The following CLU variants were observed in gnomAD, a reference collection of about 807,000 sequenced individuals.
CLU encodes clusterin.
Under a neutral mutation model 46.4 loss-of-function variants are expected in CLU, and 25 were observed. That is an observed-to-expected ratio of 0.54 (90% CI 0.39 to 0.75). The LOEUF is 0.75. Among genes scored for constraint, CLU ranks in the 30% least tolerant of loss-of-function variants. The pLI is 0.00. For synonymous variants in CLU, 235 were observed against 235.1 expected (o/e 1.00, Z 0.00); for missense variants, 504 against 592.1 (o/e 0.85, Z 1.54).
At chr8:27,608,206 A>C (rs760403250) in intron 3 of CLU, among the ~76,000 whole-genome samples, 5 of 152,184 alleles carry the variant, frequency 3.3e-5, no homozygotes, top group Non-Finnish European at 5.9e-5. Flanking sequence ...AAAAACAAAA[A>C]TGAATTCCCT....
intron 8 of CLU, 100 bp from the exon 9 acceptor site, chr8:27,598,350 G>T (rs534510358): frequency 5.0e-6 from 8 of 1,592,830 alleles, no homozygotes; most frequent in Non-Finnish European, 6.9e-6. Flanking sequence ...CTCTGGCTCC[G>T]GGCGGAGTCG....
intron 5 of CLU, 31 bp from the exon 6 acceptor site, chr8:27,604,426 C>T (rs1418956098): frequency 6.4e-7 from 1 of 1,553,482 alleles, no homozygotes; most frequent in South Asian, 1.1e-5. Context: ...AAGAGTCAGT[C>T]ATCCAGCCAT....
At chr8:27,604,418 G>C (rs954545609) in intron 5 of CLU, 23 bp from the exon 6 acceptor site, 1 of 1,589,536 alleles carries the variant, frequency 6.3e-7, no homozygotes, top group Non-Finnish European at 8.6e-7. Flanking sequence ...GAGGGAAGAA[G>C]AGTCAGTCAT....
chr8:27,605,001 A>G lies in CLU; in HGVS notation c.752T>C (p.Ile251Thr), dbSNP rs761687566. Residue 251 changes from isoleucine to threonine, a missense_variant, in exon 5 of 9, where the codon ATA (isoleucine) becomes ACA (threonine). By Grantham distance (89) the Ile-to-Thr change is moderately conservative. Transcript: ENST00000316403. ...GTCCATGGCCTGCTGAGCCTCGTGT[A>G]TCATCTCAAGGAAGGGCTGGAACAT... ...HAMFQPFLEM[I>T]HEAQQAMDIH... 1.2e-6 allele frequency: 2 copies of G among 1,614,048 alleles called. No individual in the cohort carries two copies. The highest frequency in any genetic ancestry group is 1.7e-6 in the Non-Finnish European group (2 of 1,179,978).
intron 1 of CLU, among the ~76,000 whole-genome samples, chr8:27,613,059 G>A (rs777052870): frequency 3.3e-5 from 5 of 151,958 alleles, no homozygotes; most frequent in South Asian, 2.1e-4. Flanking sequence ...TTCCCAAAAC[G>A]TTTCCAAGCA....
rs777278441 is a variant in CLU, at chr8:27,598,595, A to G, written c.1205T>C (p.Val402Ala). The G allele has an allele frequency of 2.5e-6, 4 of 1,614,194 alleles. No homozygotes were observed. The South Asian group carries it at 4.4e-5, about 18-fold the overall frequency. The change falls in exon 8 of 9, where the codon GTC becomes GCC. Residue 402 changes from valine to alanine, a missense_variant. By Grantham distance (64) the Val-to-Ala change is moderately conservative (BLOSUM62 0). Around this residue, in one of 3 missense-constraint regions of CLU, gnomAD observed 428 missense variants for 484.0 expected, o/e 0.88. Coordinates refer to ENST00000316403, the MANE Select transcript of CLU (RefSeq NM_001831.4). ...AAAGAGCTTCACGACCACCTCAGTG[A>G]CACCGGAAGGAACGTCCGAGTCAGA... ...HTSDSDVPSG[V>A]TEVVVKLFDS...
At position 27,610,688 on chromosome 8, in the gene CLU, C is replaced by G. The variant is rs752298392; in HGVS notation, c.-29-88G>C. 2.5e-5 allele frequency: 23 copies of G among 937,898 alleles called. No individual in the cohort carries two copies. The Admixed American group carries it at 4.0e-4, about 16-fold the overall frequency. The allele number at this position is 937,898 out of a possible 1,614,324, so 58.1% of individuals were successfully genotyped here. On this transcript the variant is annotated intron_variant, in intron 1 of 8. Transcript: ENST00000316403. The stretch of plus-strand genomic sequence containing the variant: ...GCTGCCTGCAGCAGCTCCCCAGGGC[C>G]TCACTGCCCTCAGCTGTCCCCACAG...
At chr8:27,598,725 GTCC>G in intron 7 of CLU, 90 bp from the exon 8 acceptor site, 8 of 1,280,366 alleles carry the variant, frequency 6.2e-6, no homozygotes, top group Middle Eastern at 1.9e-4. Flanking sequence ...TGATAAGGAA[GTCC>G]TCCTGCTTCT....
chr8:27,612,892 A>C (rs539892488), intron 1 of CLU, among the ~76,000 whole-genome samples: 1 of 148,584 alleles, frequency 6.7e-6, no homozygotes, highest in Non-Finnish European at 1.5e-5. Context: ...TCCTTCTACC[A>C]GAAAAGGCCG....
chr8:27,612,803 C>T (rs1458515934), intron 1 of CLU, among the ~76,000 whole-genome samples: 1 of 152,002 alleles, frequency 6.6e-6, no homozygotes, highest in Non-Finnish European at 1.5e-5. Context: ...AGAGCCATGC[C>T]AAGGCCAAGG....
intron 1 of CLU, among the ~76,000 whole-genome samples, chr8:27,612,941 A>T (rs937966254): frequency 3.5e-5 from 3 of 86,164 alleles, no homozygotes; most frequent in Non-Finnish European, 6.6e-5. Flanking sequence ...GAAGAGGAGG[A>T]GGAGAAGATG....
intron 3 of CLU, 140 bp downstream of exon 3, chr8:27,608,798 T>C (rs1532278): frequency 0.64 from 563,074 of 878,274 alleles, 182,103 homozygotes; most frequent in African/African-American, 0.81. Context: ...TGCTTCTTAA[T>C]TGCAGCCTCA....
rs951333798 is a variant in CLU at position 27,604,915 on chromosome 8, C to T, written c.829+9G>A. Reference sequence around the variant, plus strand: ...GCTCAAAAGGCCATGAGCTTCCACCCCTTCTCACCTCGTATGAATTCTGTT... The same window carrying T: ...GCTCAAAAGGCCATGAGCTTCCACCTCTTCTCACCTCGTATGAATTCTGTT... On this transcript the variant is annotated intron_variant, in intron 5 of 8. Coordinates refer to ENST00000316403, the MANE Select transcript of CLU (RefSeq NM_001831.4). The T allele has an allele frequency of 6.2e-7, 1 of 1,614,174 alleles. No individual in the cohort carries two copies.
chr8:27,602,206 G>T (rs1362253818), intron 6 of CLU, among the ~76,000 whole-genome samples: 1 of 152,202 alleles, frequency 6.6e-6, no homozygotes, highest in Admixed American at 6.5e-5. Flanking sequence ...TCTGAAGCTG[G>T]TTGTCACAAC....
chr8:27,613,349 C>T (rs1437640431), intron 1 of CLU, among the ~76,000 whole-genome samples: 1 of 150,004 alleles, frequency 6.7e-6, no homozygotes, highest in Admixed American at 6.6e-5. Flanking sequence ...TGGCGCTACT[C>T]TACTCCAGCC....
In CLU at chr8:27,597,792, A is replaced by G. The variant is rs1046084536; in HGVS notation, c.*449T>C. 26 of 457,948 alleles carry G rather than the reference A, an allele frequency of 5.7e-5. No homozygotes were observed. The highest frequency in any genetic ancestry group is 1.2e-4 in the African/African-American group (6 of 50,174). 28.4% of individuals were successfully genotyped at this position (457,948 alleles called of 1,614,324 possible). A position where few individuals can be genotyped will look rare whatever the true frequency, so the allele number is the denominator to read the frequency against. On this transcript the variant is annotated 3_prime_UTR_variant, in exon 9 of 9. Coordinates refer to ENST00000316403, the MANE Select transcript of CLU (RefSeq NM_001831.4). ...ACATCTCTCTTCCTGAAAGCAAGCA[A>G]TTCTTGAAGTGGATCAACCTTGTCA...
Position 27,604,153 on chromosome 8 carries a change from GA to G in CLU, c.934+137del, listed in dbSNP as rs1412522253. The stretch of plus-strand genomic sequence containing the variant: ...GCATGAGGCTCAGGACCTGCCCCGG[GA>G]CACAGCTCAAAGGCTGCAGAGCTGG... On this transcript the variant is annotated intron_variant, in intron 6 of 8. Transcript: ENST00000316403. The G allele has an allele frequency of 9.3e-5, 67 of 718,474 alleles. 1 individual carries two copies. In the South Asian group the frequency reaches 9.8e-4, roughly 11 times the overall value. 44.5% of individuals were successfully genotyped at this position (718,474 alleles called of 1,614,324 possible).
chr8:27,608,719 C>G, intron 3 of CLU: 1 of 618,446 alleles, frequency 1.6e-6, no homozygotes, highest in South Asian at 1.9e-5. Flanking sequence ...AGGCCCTGGG[C>G]CAGGCTCATA....
intron 3 of CLU, among the ~76,000 whole-genome samples, chr8:27,608,257 GT>G (rs1212812794): frequency 6.6e-6 from 1 of 152,194 alleles, no homozygotes; most frequent in East Asian, 1.9e-4. Context: ...AGTTACACAG[GT>G]TTCTTTACGG....
Sources: allele counts gnomAD v4.1 joint callset (sites outside exome capture counted in the v4.1 genomes callset), GRCh38; gene constraint gnomAD v4.1.1; regional missense constraint gnomAD v4.1.1; transcripts MANE v1.5; gene names NCBI Gene and HGNC (gene_info 2026-07-23, HGNC 2026-07-21).